The following HMCN1 variants were observed in gnomAD, a reference collection of about 807,000 sequenced individuals.
HMCN1 encodes the protein hemicentin-1.
Under a neutral mutation model 625.9 loss-of-function variants are expected in HMCN1, and 321 were observed. That is an observed-to-expected ratio of 0.51 (90% CI 0.47 to 0.56). HMCN1 has a LOEUF of 0.56. HMCN1 is among the 20% of genes least tolerant of loss of function. The probability of loss-of-function intolerance (pLI) is 0.00; values close to 1 mark genes in which losing one functional copy is unlikely to be tolerated. For synonymous variants in HMCN1, 2,425 were observed against 2,417.6 expected (o/e 1.00, Z -0.09); for missense variants, 6,588 against 6,887.3 (o/e 0.96, Z 1.54).
At chr1:185,830,997 A>G (rs893197937) in intron 1 of HMCN1, among the ~76,000 whole-genome samples, 2 of 152,340 alleles carry the variant, frequency 1.3e-5, no homozygotes, top group Admixed American at 1.3e-4. Flanking sequence ...AGGGAATTGA[A>G]CCAAAACTTC....
chr1:186,115,342 T>C lies in HMCN1; in HGVS notation c.11489T>C (p.Ile3830Thr), dbSNP rs763517686. 1 of 1,614,018 alleles carries C rather than the reference T, an allele frequency of 6.2e-7. No individual in the cohort carries two copies. Among genetic ancestry groups the C allele is most frequent in the Admixed American group, 1.7e-5 (1 of 60,020 alleles). ...ACTCTGGCTTGTGAGGCTACTGGGA[T>C]ACCAAAACCATCAATCAATTGGAGA... is the stretch of plus-strand genomic sequence containing the variant. The part of the protein sequence containing the change: ...QTTLACEATG[I>T]PKPSINWRKN... The change falls in exon 75 of 107, where the codon ATA (isoleucine) becomes ACA (threonine). Residue 3830 changes from isoleucine (I) to threonine (T), a missense_variant. By Grantham distance (89) the Ile-to-Thr change is moderately conservative. Coordinates refer to ENST00000271588, the MANE Select transcript of HMCN1 (RefSeq NM_031935.3).
intron 25 of HMCN1, among the ~76,000 whole-genome samples, chr1:185,998,341 C>A (rs1398373309): frequency 6.6e-6 from 1 of 152,146 alleles, no homozygotes; most frequent in Non-Finnish European, 1.5e-5. Flanking sequence ...GCCCTCATGG[C>A]TGTCTCTGTT....
chr1:186,055,263 TG>T, intron 44 of HMCN1, 129 bp from the exon 45 acceptor site: 3 of 850,800 alleles, frequency 3.5e-6, no homozygotes, highest in Non-Finnish European at 1.9e-6. Context: ...CTGTTAGTCC[TG>T]GGTCTTTTCT....
At chr1:186,110,974 A>ATTTTT (rs778503338) in intron 71 of HMCN1, among the ~76,000 whole-genome samples, 1 of 59,950 alleles carries the variant, frequency 1.7e-5, no homozygotes, top group African/African-American at 1.6e-4. Context: ...ACCAGAGAAA[A>ATTTTT]TTCTTTTTTT....
At chr1:185,740,602 A>G (rs1653918637) in intron 1 of HMCN1, among the ~76,000 whole-genome samples, 1 of 151,192 alleles carries the variant, frequency 6.6e-6, no homozygotes, top group Admixed American at 6.6e-5. Flanking sequence ...TCTCTCATGG[A>G]CAGGTTAATG....
chr1:186,146,249 A>G (rs1273112652), intron 93 of HMCN1, among the ~76,000 whole-genome samples: 1 of 152,166 alleles, frequency 6.6e-6, no homozygotes, highest in Non-Finnish European at 1.5e-5. Flanking sequence ...AGAAAGCTAC[A>G]ATTGGAGGCT....
chr1:186,186,627 A>G (rs1388295186), intron 105 of HMCN1, among the ~76,000 whole-genome samples: 1 of 152,152 alleles, frequency 6.6e-6, no homozygotes, highest in Non-Finnish European at 1.5e-5. Flanking sequence ...CAATATTCTT[A>G]TTCTCTGTTT....
At chr1:185,917,924 G>A (rs1666803746) in intron 6 of HMCN1, among the ~76,000 whole-genome samples, 1 of 152,078 alleles carries the variant, frequency 6.6e-6, no homozygotes, top group South Asian at 2.1e-4. Context: ...CACTCCAATT[G>A]AGAAACCTAG....
intron 13 of HMCN1, among the ~76,000 whole-genome samples, chr1:185,965,119 C>T (rs1304971849): frequency 2.0e-5 from 3 of 151,968 alleles, no homozygotes; most frequent in East Asian, 1.9e-4. Flanking sequence ...TAAAATATCT[C>T]GTTAAGAGAA....
chr1:186,129,677 G>A (rs1661826037), intron 83 of HMCN1, among the ~76,000 whole-genome samples: 1 of 152,096 alleles, frequency 6.6e-6, no homozygotes. Context: ...CCAGCTTTAA[G>A]CAACGCATTT....
chr1:185,804,568 G>A (rs1445649599), intron 1 of HMCN1, among the ~76,000 whole-genome samples: 1 of 152,010 alleles, frequency 6.6e-6, no homozygotes, highest in Non-Finnish European at 1.5e-5. Flanking sequence ...TAGTAGTGTG[G>A]ATTTTTAAAA....
chr1:186,166,804 G>T lies in HMCN1; in HGVS notation c.15440-4G>T. On this transcript the variant is annotated splice_polypyrimidine_tract_variant and splice_region_variant and intron_variant, in intron 99 of 106. Coordinates refer to ENST00000271588, the MANE Select transcript of HMCN1 (RefSeq NM_031935.3). Reference sequence around the variant, plus strand: ...CCTCAGTTGAATGATTCCCTCTGTTGCAGATATTGATGAGTGTGCTTTGGG... The same window carrying T: ...CCTCAGTTGAATGATTCCCTCTGTTTCAGATATTGATGAGTGTGCTTTGGG... 1 of 1,614,106 alleles carries T rather than the reference G, an allele frequency of 6.2e-7. No homozygotes were observed. The highest frequency in any genetic ancestry group is 8.5e-7 in the Non-Finnish European group (1 of 1,179,986).
Position 186,165,172 on chromosome 1 carries a change from T to C in HMCN1, c.15318T>C (p.Ala5106=). 6 of 1,613,160 alleles carry C rather than the reference T, an allele frequency of 3.7e-6. No individual in the cohort carries two copies. Among genetic ancestry groups the C allele is most frequent in the Non-Finnish European group, 5.1e-6 (6 of 1,179,110 alleles). Residue 5106 remains alanine, a splice_region_variant and synonymous_variant, in exon 98 of 107, where the codon GCT becomes GCC. Coordinates refer to ENST00000271588, the MANE Select transcript of HMCN1 (RefSeq NM_031935.3). The part of the protein sequence containing the change: ...FTLDSVGPFC[A]DEDECAAGNP... The stretch of plus-strand genomic sequence containing the variant: ...TAGACTCAGTTGGACCTTTTTGTGC[T>C]GGTAAGTACAGAGATAAATAAAGGG...
chr1:185,814,983 C>T (rs1473351897), intron 1 of HMCN1, among the ~76,000 whole-genome samples: 4 of 149,840 alleles, frequency 2.7e-5, no homozygotes, highest in East Asian at 1.9e-4. Flanking sequence ...TGAGCCTGGC[C>T]GAACTTTTTG....
At position 186,189,362 on chromosome 1, in the gene HMCN1, A is replaced by G. The variant is rs1161845943; in HGVS notation, c.16542-150A>G. The G allele has an allele frequency of 5.3e-6, 4 of 748,038 alleles. No individual in the cohort carries two copies. The East Asian group carries it at 1.0e-4, about 19-fold the overall frequency. 46.3% of individuals were successfully genotyped at this position (748,038 alleles called of 1,614,324 possible). A position where few individuals can be genotyped will look rare whatever the true frequency, so the allele number is the denominator to read the frequency against. ...ATCTGGTGTCTGGTTTGAGTTAGTG[A>G]CACAGAAGACGACTGAGTCTTACCG... On this transcript the variant is annotated intron_variant, in intron 106 of 106. Transcript: ENST00000271588.
intron 35 of HMCN1, 116 bp from the exon 36 acceptor site, chr1:186,022,914 T>C (rs1408118672): frequency 9.7e-7 from 1 of 1,028,138 alleles, no homozygotes; most frequent in African/African-American, 1.6e-5. Context: ...ATTAAGATAT[T>C]GGCATGAAAA....
At position 186,001,302 on chromosome 1, in the gene HMCN1, T is replaced by C. The variant is rs776414398; in HGVS notation, c.4074T>C (p.Pro1358=). The C allele has an allele frequency of 6.2e-7, 1 of 1,610,850 alleles. No individual in the cohort carries two copies. The highest frequency in any genetic ancestry group is 8.5e-7 in the Non-Finnish European group (1 of 1,177,714). Residue 1358 remains proline, a synonymous_variant, in exon 27 of 107, where the codon CCT becomes CCC. Transcript: ENST00000271588. ...ERKYNLKVHV[P]PVIKDKEQVT... ...ATGACTCCTCTCTTTTTGCAGTTCC[T>C]CCAGTAATTAAAGATAAAGAACAAG...
chr1:185,866,821 C>T (rs1193653749), intron 4 of HMCN1, among the ~76,000 whole-genome samples: 1 of 151,934 alleles, frequency 6.6e-6, no homozygotes, highest in South Asian at 2.1e-4. Context: ...CATACCAATA[C>T]AAAGATAAGG....
rs920271036 is a variant in HMCN1 at position 186,107,025 on chromosome 1, G to A, written c.10852+60G>A. 4.3e-5 allele frequency: 42 copies of A among 976,880 alleles called. No individual in the cohort carries two copies. The South Asian group carries it at 5.1e-4, about 12-fold the overall frequency. 60.5% of individuals were successfully genotyped at this position (976,880 alleles called of 1,614,324 possible). ...CACACACCTAATTAGAAAACCCTGGGACAACACCACAGCACATCACAGGAT... is the reference window on the plus strand; with the variant it reads ...CACACACCTAATTAGAAAACCCTGGAACAACACCACAGCACATCACAGGAT... On this transcript the variant is annotated intron_variant, in intron 70 of 106. Coordinates refer to ENST00000271588, the MANE Select transcript of HMCN1 (RefSeq NM_031935.3).
Sources: gnomAD v4.1 joint callset for allele counts (sites outside exome capture counted in the v4.1 genomes callset) on GRCh38, gnomAD v4.1.1 for gene constraint, MANE v1.5 for transcripts, NCBI Gene and HGNC (gene_info 2026-07-23, HGNC 2026-07-21) for gene names.